The following USP24 variants were observed in gnomAD, a reference collection of about 807,000 sequenced individuals.
USP24 encodes ubiquitin carboxyl-terminal hydrolase 24.
USP24 carries 97 observed loss-of-function variants against 361.6 expected under a neutral mutation model. That is an observed-to-expected ratio of 0.27 (90% CI 0.23 to 0.32). USP24 has a LOEUF of 0.32. Among genes scored for constraint, USP24 ranks in the 10% least tolerant of loss-of-function variants. The pLI is 1.00. For missense variants in USP24, 2,353 were observed against 3,165.6 expected (o/e 0.74, Z 6.16); for synonymous variants, 1,098 against 1,124.6 (o/e 0.98, Z 0.47).
intron 35 of USP24, 44 bp downstream of exon 35, chr1:55,124,421 GTTAT>G (rs2100610694): frequency 6.4e-7 from 1 of 1,562,958 alleles, no homozygotes; most frequent in East Asian, 2.3e-5. Flanking sequence ...AATTCTTATG[GTTAT>G]TTCTTACCCA....
chr1:55,117,003 G>A (rs1033417103), intron 38 of USP24, among the ~76,000 whole-genome samples: 6 of 152,150 alleles, frequency 3.9e-5, no homozygotes, highest in African/African-American at 1.4e-4. Context: ...GAACAAGTGG[G>A]ATTGACTCCT....
At chr1:55,083,196 T>G in intron 58 of USP24, 76 bp downstream of exon 58, 1 of 1,428,238 alleles carries the variant, frequency 7.0e-7, no homozygotes, top group Non-Finnish European at 9.7e-7. Flanking sequence ...TTAAAAACAT[T>G]TATCACCTAC....
chr1:55,188,236 C>T (rs1374991823), intron 1 of USP24, among the ~76,000 whole-genome samples: 2 of 152,100 alleles, frequency 1.3e-5, no homozygotes. Flanking sequence ...AATGAAATGA[C>T]CCCACCTCAA....
At position 55,071,360 on chromosome 1, in the gene USP24, T is replaced by A. The variant is rs1048114842; in HGVS notation, c.7800+454A>T. The A allele has an allele frequency of 2.9e-5, 29 of 991,846 alleles. No homozygotes were observed. In the South Asian group the frequency reaches 9.2e-4, roughly 31 times the overall value. 61.4% of individuals were successfully genotyped at this position (991,846 alleles called of 1,614,324 possible). On this transcript the variant is annotated intron_variant, in intron 67 of 67. Transcript: ENST00000294383. ...TTAAAGCTGTTTTTTTTTCTTTTTT[T>A]AAAAATACATGTCAAAATTTTCTTG...
chr1:55,096,759 A>T, intron 49 of USP24, 137 bp from the exon 50 acceptor site: 3 of 1,400,168 alleles, frequency 2.1e-6, no homozygotes, highest in Non-Finnish European at 2.9e-6. Flanking sequence ...ATGTAGCAAC[A>T]ATTATTTCAA....
At chr1:55,181,102 A>C (rs1328000603) in intron 1 of USP24, among the ~76,000 whole-genome samples, 2 of 152,094 alleles carry the variant, frequency 1.3e-5, no homozygotes, top group African/African-American at 4.8e-5. Context: ...ATATAATTTA[A>C]TCATTACAAA....
At chr1:55,077,130 C>T in intron 62 of USP24, 105 bp downstream of exon 62, 1 of 1,118,744 alleles carries the variant, frequency 8.9e-7, no homozygotes, top group Non-Finnish European at 1.2e-6. Context: ...AAATGCAGAC[C>T]AAATGAATGG....
At position 55,089,675 on chromosome 1, in the gene USP24, T is replaced by G. The variant is rs1246326297; in HGVS notation, c.6620A>C (p.Gln2207Pro). ...ACTAATAAAATATTCAACTAACCAC[T>G]GACAAGCATCAAAACTTTTTGAAAG... Reference protein sequence around the residue: ...ALLSKSFDACQWLVEYFISSE... With the variant: ...ALLSKSFDACPWLVEYFISSE... Residue 2207 changes from glutamine to proline, a missense_variant, in exon 55 of 68, where the codon CAG becomes CCG. Gln to Pro is a moderately conservative substitution (Grantham distance 76). Around this residue, in one of 8 missense-constraint regions of USP24, gnomAD observed 598 missense variants for 761.9 expected, o/e 0.78. Transcript: ENST00000294383. 6.2e-7 allele frequency: 1 copy of G among 1,604,778 alleles called. No homozygotes were observed. The highest frequency in any genetic ancestry group is 8.5e-7 in the Non-Finnish European group (1 of 1,175,108).
chr1:55,095,404 A>T lies in USP24; in HGVS notation c.6062-8T>A. 1 of 1,598,028 alleles carries T rather than the reference A, an allele frequency of 6.3e-7. No individual in the cohort carries two copies. Among genetic ancestry groups the T allele is most frequent in the Admixed American group, 1.7e-5 (1 of 57,202 alleles). On this transcript the variant is annotated splice_region_variant and splice_polypyrimidine_tract_variant and intron_variant, in intron 50 of 67. Transcript: ENST00000294383. The stretch of plus-strand genomic sequence containing the variant: ...CATCAGTGTATGGGTTTGCTTTATA[A>T]CAAGACATTAAGAAACACATCTGTA...
intron 1 of USP24, among the ~76,000 whole-genome samples, chr1:55,199,618 T>A (rs200632762): frequency 0.067 from 7,101 of 105,268 alleles, 543 homozygotes; most frequent in African/African-American, 0.21. Context: ...TGTGTGTGTG[T>A]GTGTGAGAGA....
chr1:55,087,431 A>C (rs555687), intron 55 of USP24, among the ~76,000 whole-genome samples: 99,641 of 152,118 alleles, frequency 0.66, 35,925 homozygotes, highest in East Asian at 0.91. Context: ...AATGAATAAA[A>C]TATTTGCATA....
chr1:55,122,772 T>C (rs139536653), intron 36 of USP24, among the ~76,000 whole-genome samples: 6 of 152,274 alleles, frequency 3.9e-5, no homozygotes, highest in African/African-American at 1.2e-4. Flanking sequence ...AGAACTGCTT[T>C]TAAGTTGAGA....
intron 1 of USP24, among the ~76,000 whole-genome samples, chr1:55,188,827 G>A (rs1364892661): frequency 3.3e-5 from 5 of 151,936 alleles, no homozygotes; most frequent in South Asian, 4.2e-4. Flanking sequence ...GGGTGTGGTG[G>A]TGGGCACCTG....
At chr1:55,144,275 T>C (rs1194343055) in intron 20 of USP24, 72 bp from the exon 21 acceptor site, 1 of 1,035,274 alleles carries the variant, frequency 9.7e-7, no homozygotes. Context: ...AGACTCAAAG[T>C]GGATCAAGAA....
Position 55,134,416 on chromosome 1 carries a change from G to A in USP24, c.3202-3C>T. On this transcript the variant is annotated splice_polypyrimidine_tract_variant and splice_region_variant and intron_variant, in intron 28 of 67. Transcript: ENST00000294383. ...ACTACACCAGGGAGGGATTTCTCCT[G>A]ATGGAAAAAAGCAAAATAGAAATTC... 6.2e-7 allele frequency: 1 copy of A among 1,607,186 alleles called. No homozygotes were observed. The highest frequency in any genetic ancestry group is 8.5e-7 in the Non-Finnish European group (1 of 1,174,936).
chr1:55,181,693 A>T (rs1430311549), intron 1 of USP24, among the ~76,000 whole-genome samples: 2 of 152,210 alleles, frequency 1.3e-5, no homozygotes, highest in Non-Finnish European at 2.9e-5. Flanking sequence ...TAAAATCATC[A>T]AATGTACTCA....
Position 55,182,338 on chromosome 1 carries a change from C to G in USP24, c.325-4206G>C, listed in dbSNP as rs187371694. 3.8e-3 allele frequency among the ~76,000 whole-genome samples: 574 copies of G among 152,280 alleles called. 5 individuals carry two copies. The highest frequency in any genetic ancestry group is 0.013 in the African/African-American group (539 of 41,552). ...AAAGTGCTGGGATTGCAGGCGTGAG[C>G]CATTGCGCCCGGCCTCTAATGACTT... On this transcript the variant is annotated intron_variant, in intron 1 of 67. Coordinates refer to ENST00000294383, the MANE Select transcript of USP24 (RefSeq NM_015306.3).
chr1:55,197,011 T>C (rs558614982), intron 1 of USP24, among the ~76,000 whole-genome samples: 7 of 152,358 alleles, frequency 4.6e-5, no homozygotes, highest in Admixed American at 2.6e-4. Flanking sequence ...TCCTTACATA[T>C]AGCATATAGT....
At chr1:55,161,809 A>C (rs932324110) in intron 8 of USP24, among the ~76,000 whole-genome samples, 1 of 152,208 alleles carries the variant, frequency 6.6e-6, no homozygotes, top group African/African-American at 2.4e-5. Context: ...AGAAGTGAGC[A>C]ACTGAGCCAG....
Sources: allele counts gnomAD v4.1 joint callset (sites outside exome capture counted in the v4.1 genomes callset), GRCh38; gene constraint gnomAD v4.1.1; regional missense constraint gnomAD v4.1.1; transcripts MANE v1.5; gene names NCBI Gene and HGNC (gene_info 2026-07-23, HGNC 2026-07-21).